Variants in HOXB6 observed in about 807,000 individuals in gnomAD.
HOXB6 encodes homeobox B6.
Under a neutral mutation model 24.2 loss-of-function variants are expected in HOXB6, and 18 were observed. That is an observed-to-expected ratio of 0.74 (90% CI 0.51 to 1.10). The LOEUF (loss-of-function observed/expected upper bound fraction) is 1.10, where lower values mean the gene tolerates loss of function less well. Among genes scored for constraint, HOXB6 ranks in the 50% least tolerant of loss-of-function variants. The probability of loss-of-function intolerance (pLI) is 0.00; values close to 1 mark genes in which losing one functional copy is unlikely to be tolerated. For synonymous variants in HOXB6, 159 were observed against 139.1 expected, an observed-to-expected ratio of 1.14 and a Z score of -1.01; for missense variants, 332 against 308.3, an observed-to-expected ratio of 1.08 and a Z score of -0.58.
In HOXB6 at chr17:48,596,264, G is replaced by C; in HGVS notation, c.*149C>G. 1 of 1,253,546 alleles carries C rather than the reference G, an allele frequency of 8.0e-7. No homozygotes were observed. The allele number at this position is 1,253,546 out of a possible 1,614,324, so 77.7% of individuals were successfully genotyped here. A position where few individuals can be genotyped will look rare whatever the true frequency, so the allele number is the denominator to read the frequency against. On this transcript the variant is annotated 3_prime_UTR_variant, in exon 4 of 4. Transcript: ENST00000225648. This position sits in a 1 kb window ranked among gnomAD's most constrained non-coding sequence, Gnocchi z 4.8. ...CGCCGGGAGCTGTGCGGGCGGGGGCGTCCAGGAGAGCGCTGGGCCCCGCCT... is the reference window on the plus strand; with the variant it reads ...CGCCGGGAGCTGTGCGGGCGGGGGCCTCCAGGAGAGCGCTGGGCCCCGCCT...
At chr17:48,601,015 TGTGTG>T (rs1555645472) in intron 2 of HOXB6, among the ~76,000 whole-genome samples, 4 of 149,064 alleles carry the variant, frequency 2.7e-5, no homozygotes, top group African/African-American at 7.7e-5. Flanking sequence ...TGTGTGTGTG[TGTGTG>T]GTGTGGTGTG....
Position 48,595,959 on chromosome 17 carries a change from G to C in HOXB6, c.*454C>G. The C allele has an allele frequency of 2.3e-6, 1 of 431,952 alleles. No individual in the cohort carries two copies. Among genetic ancestry groups the C allele is most frequent in the South Asian group, 1.7e-5 (1 of 60,528 alleles). 26.8% of individuals were successfully genotyped at this position (431,952 alleles called of 1,614,324 possible). A position where few individuals can be genotyped will look rare whatever the true frequency, so the allele number is the denominator to read the frequency against. On this transcript the variant is annotated 3_prime_UTR_variant, in exon 4 of 4. Transcript: ENST00000225648. ...TAGGTAGTATGTGCTCCTTCCAGTGGCTTTGGGGAGGGGGTGGGAGAGACG... is the reference window on the plus strand; with the variant it reads ...TAGGTAGTATGTGCTCCTTCCAGTGCCTTTGGGGAGGGGGTGGGAGAGACG...
At chr17:48,603,117 G>A (rs527876495) in intron 2 of HOXB6, among the ~76,000 whole-genome samples, 4 of 152,342 alleles carry the variant, frequency 2.6e-5, no homozygotes, top group African/African-American at 9.6e-5. Flanking sequence ...CCAGAGGCCC[G>A]AGGCTGAATG....
intron 3 of HOXB6, 52 bp downstream of exon 3, chr17:48,597,684 G>T (rs775414840): frequency 1.9e-6 from 3 of 1,577,530 alleles, no homozygotes; most frequent in Non-Finnish European, 2.6e-6. Context: ...TCTGTGTCCC[G>T]GGGTGGGCGC....
chr17:48,596,972 C>T lies in HOXB6; in HGVS notation c.416-300G>A. On this transcript the variant is annotated intron_variant, in intron 3 of 3. Coordinates refer to ENST00000225648, the MANE Select transcript of HOXB6 (RefSeq NM_018952.5). The surrounding 1 kb of genome is among the most constrained non-coding windows in gnomAD (Gnocchi z 4.8). Reference sequence around the variant, plus strand: ...CCTAGTTGCATCTTGTCTTTCCCTCCCTTTCCATCCATCTTGTTCCCACCC... The same window carrying T: ...CCTAGTTGCATCTTGTCTTTCCCTCTCTTTCCATCCATCTTGTTCCCACCC... 2.3e-6 allele frequency: 3 copies of T among 1,304,300 alleles called. No individual in the cohort carries two copies. Among genetic ancestry groups the T allele is most frequent in the Non-Finnish European group, 2.0e-6 (2 of 1,014,782 alleles). 80.8% of individuals were successfully genotyped at this position (1,304,300 alleles called of 1,614,324 possible).
rs2070312509 is a variant in HOXB6 at position 48,596,857 on chromosome 17, C to G, written c.416-185G>C. The G allele has an allele frequency of 1.9e-5, 24 of 1,266,652 alleles. No individual in the cohort carries two copies. The highest frequency in any genetic ancestry group is 2.5e-5 in the Non-Finnish European group (23 of 927,242). The allele number at this position is 1,266,652 out of a possible 1,614,324, so 78.5% of individuals were successfully genotyped here. ...TCCCTCCTAGTCTCCTAGGCCTGTG[C>G]CGTCTGTCTAGACTCTAGATGGGGG... On this transcript the variant is annotated intron_variant, in intron 3 of 3. Coordinates refer to ENST00000225648, the MANE Select transcript of HOXB6 (RefSeq NM_018952.5). This position sits in a 1 kb window ranked among gnomAD's most constrained non-coding sequence, Gnocchi z 4.8.
chr17:48,599,415 AG>A (rs920698044), intron 2 of HOXB6, among the ~76,000 whole-genome samples: 1 of 152,192 alleles, frequency 6.6e-6, no homozygotes, highest in Non-Finnish European at 1.5e-5. Context: ...AGGAGCTGCC[AG>A]TTCTTTTTAA....
chr17:48,602,940 C>T (rs1423835991), intron 2 of HOXB6, among the ~76,000 whole-genome samples: 1 of 152,226 alleles, frequency 6.6e-6, no homozygotes, highest in African/African-American at 2.4e-5. Flanking sequence ...GCCCAGCGGT[C>T]CCTCCAGGCG....
intron 3 of HOXB6, among the ~76,000 whole-genome samples, chr17:48,597,408 G>A (rs1294393365): frequency 6.6e-6 from 1 of 152,126 alleles, no homozygotes; most frequent in Non-Finnish European, 1.5e-5. Flanking sequence ...GAGGGGGGTT[G>A]GGGGCTCAAA....
At position 48,597,743 on chromosome 17, in the gene HOXB6, C is replaced by A. The variant is rs1245598990; in HGVS notation, c.408G>T (p.Ser136=). 6.2e-7 allele frequency: 1 copy of A among 1,612,876 alleles called. No homozygotes were observed. Among genetic ancestry groups the A allele is most frequent in the Non-Finnish European group, 8.5e-7 (1 of 1,179,510 alleles). The change falls in exon 3 of 4, where the codon TCG becomes TCT. Residue 136 remains serine (S), a synonymous_variant. Coordinates refer to ENST00000225648, the MANE Select transcript of HOXB6 (RefSeq NM_018952.5). ...ACGGGAAGTCTCACTCACTGTTGCACGAATTCATCCGCTGCATCCACGGGT... is the reference window on the plus strand; with the variant it reads ...ACGGGAAGTCTCACTCACTGTTGCAAGAATTCATCCGCTGCATCCACGGGT... ...PVYPWMQRMN[S]CNSSSFGPSG...
intron 2 of HOXB6, among the ~76,000 whole-genome samples, chr17:48,602,858 G>A (rs2070502560): frequency 6.6e-6 from 1 of 152,226 alleles, no homozygotes; most frequent in Admixed American, 6.5e-5. Context: ...AGTATGGGTG[G>A]GTTTGGGAAA....
intron 3 of HOXB6, among the ~76,000 whole-genome samples, chr17:48,597,475 G>A (rs1432230162): frequency 6.6e-6 from 1 of 152,186 alleles, no homozygotes; most frequent in Non-Finnish European, 1.5e-5. Context: ...TGGAACCCCG[G>A]CTCTGGCCAG....
intron 2 of HOXB6, 25 bp from the exon 3 acceptor site, chr17:48,598,253 G>A (rs2144962188): frequency 7.9e-7 from 1 of 1,261,320 alleles, no homozygotes; most frequent in Non-Finnish European, 1.1e-6. Context: ...TCCGAGATTG[G>A]GTTTTAGCTG....
chr17:48,596,844 TC>T lies in HOXB6; in HGVS notation c.416-173del. ...GCCCCCTCCAGATTCCCTCCTAGTC[TC>T]CTAGGCCTGTGCCGTCTGTCTAGAC... On this transcript the variant is annotated intron_variant, in intron 3 of 3. Transcript: ENST00000225648. This position sits in a 1 kb window ranked among gnomAD's most constrained non-coding sequence, Gnocchi z 4.8. 7.8e-7 allele frequency: 1 copy of T among 1,278,670 alleles called. No individual in the cohort carries two copies. The highest frequency in any genetic ancestry group is 2.5e-5 in the East Asian group (1 of 39,474). 79.2% of individuals were successfully genotyped at this position (1,278,670 alleles called of 1,614,324 possible).
At position 48,596,215 on chromosome 17, in the gene HOXB6, C is replaced by G. The variant is rs2070282446; in HGVS notation, c.*198G>C. 2.5e-6 allele frequency: 2 copies of G among 788,908 alleles called. No homozygotes were observed. Among genetic ancestry groups the G allele is most frequent in the Admixed American group, 3.9e-5 (2 of 51,576 alleles). 48.9% of individuals were successfully genotyped at this position (788,908 alleles called of 1,614,324 possible). On this transcript the variant is annotated 3_prime_UTR_variant, in exon 4 of 4. Transcript: ENST00000225648. This position sits in a 1 kb window ranked among gnomAD's most constrained non-coding sequence, Gnocchi z 4.8. ...GGGCGCGCGGGATGCTGGGTGGGCT[C>G]GAGTAGTGAGGCCTCAGAGCACCCG...
In HOXB6 at chr17:48,597,670, T is replaced by C; in HGVS notation, c.415+66A>G. On this transcript the variant is annotated intron_variant, in intron 3 of 3. Transcript: ENST00000225648. ...GGAGATTGGGGCAGGGGGCGCTCAC[T>C]AGTTCTGTGTCCCGGGGTGGGCGCC... 2.0e-6 allele frequency: 3 copies of C among 1,528,716 alleles called. No homozygotes were observed. The highest frequency in any genetic ancestry group is 1.4e-5 in the African/African-American group (1 of 73,008). 94.7% of individuals were successfully genotyped at this position (1,528,716 alleles called of 1,614,324 possible).
chr17:48,604,316 T>C (rs1431526782), intron 2 of HOXB6, among the ~76,000 whole-genome samples, 164 bp downstream of exon 2: 1 of 151,750 alleles, frequency 6.6e-6, no homozygotes, highest in African/African-American at 2.4e-5. Flanking sequence ...CAGCCACCCA[T>C]ATCTCCACCA....
At chr17:48,603,629 T>C (rs1302549259) in intron 2 of HOXB6, 1 of 125,262 alleles carries the variant, frequency 8.0e-6, no homozygotes, top group Non-Finnish European at 1.8e-5. Context: ...GGCAATTTTT[T>C]CCTCCACCGA....
intron 2 of HOXB6, chr17:48,602,011 C>A (rs1363452953): frequency 2.3e-6 from 1 of 429,252 alleles, no homozygotes; most frequent in Non-Finnish European, 4.7e-6. Flanking sequence ...GAAATTACGA[C>A]GGTGTGGTTC....
Sources: gnomAD v4.1 joint callset for allele counts (sites outside exome capture counted in the v4.1 genomes callset) on GRCh38, gnomAD v4.1.1 for gene constraint, Gnocchi (gnomAD v3.1) non-coding constraint, MANE v1.5 for transcripts, NCBI Gene and HGNC (gene_info 2026-07-23, HGNC 2026-07-21) for gene names.